The following RBFOX1 variants were observed in gnomAD, a reference collection of about 807,000 sequenced individuals.
RBFOX1 encodes RNA binding fox-1 homolog 1.
Under a neutral mutation model 57.7 loss-of-function variants are expected in RBFOX1, and 8 were observed. That is an observed-to-expected ratio of 0.14 (90% CI 0.08 to 0.25). The LOEUF (loss-of-function observed/expected upper bound fraction) is 0.25, where lower values mean the gene tolerates loss of function less well. RBFOX1 is among the 10% of genes least tolerant of loss of function. RBFOX1 has a pLI of 1.00. For synonymous variants in RBFOX1, 326 were observed against 222.4 expected (o/e 1.47, Z -4.15); for missense variants, 611 against 548.5 (o/e 1.11, Z -1.14).
At chr16:6,761,464 A>G (rs1251639728) in intron 3 of RBFOX1, among the ~76,000 whole-genome samples, 1 of 144,544 alleles carries the variant, frequency 6.9e-6, no homozygotes, top group Non-Finnish European at 1.5e-5. Context: ...TTTTAAACAT[A>G]CACTCCAGGT....
chr16:5,483,234 A>G (rs1003036099), intron 2 of RBFOX1, among the ~76,000 whole-genome samples: 7 of 152,178 alleles, frequency 4.6e-5, no homozygotes, highest in Non-Finnish European at 1.0e-4. Flanking sequence ...TTTCTTCTGC[A>G]GTTCTAGAAG....
intron 4 of RBFOX1, among the ~76,000 whole-genome samples, chr16:7,149,341 T>G (rs2075672205): frequency 6.6e-6 from 1 of 152,066 alleles, no homozygotes; most frequent in Non-Finnish European, 1.5e-5. Flanking sequence ...AGTCTCTTGG[T>G]TTTATCTCTC....
chr16:7,354,192 A>T (rs1228559059), intron 4 of RBFOX1, among the ~76,000 whole-genome samples: 1 of 152,086 alleles, frequency 6.6e-6, no homozygotes, highest in Non-Finnish European at 1.5e-5. Context: ...ACTGGTCTCA[A>T]ACTCCTGACG....
chr16:6,733,673 G>T (rs1225042710), intron 3 of RBFOX1, among the ~76,000 whole-genome samples: 1 of 152,118 alleles, frequency 6.6e-6, no homozygotes, highest in Non-Finnish European at 1.5e-5. Flanking sequence ...TGGGCAGGTC[G>T]CATGAGCCCA....
intron 3 of RBFOX1, among the ~76,000 whole-genome samples, chr16:6,815,555 A>T (rs190077296): frequency 6.6e-6 from 1 of 152,208 alleles, no homozygotes; most frequent in Non-Finnish European, 1.5e-5. Flanking sequence ...GCCAGTCTCT[A>T]TCCATACAGT....
intron 2 of RBFOX1, among the ~76,000 whole-genome samples, chr16:5,582,449 A>G (rs1167096029): frequency 6.6e-6 from 1 of 152,134 alleles, no homozygotes; most frequent in Non-Finnish European, 1.5e-5. Flanking sequence ...GCCCCTGTTA[A>G]CGATGAGGAA....
intron 3 of RBFOX1, among the ~76,000 whole-genome samples, chr16:6,710,032 C>T (rs1406944187): frequency 1.3e-5 from 2 of 152,090 alleles, no homozygotes; most frequent in African/African-American, 4.8e-5. Context: ...ATATGCTGCT[C>T]ACCCTTTGAG....
chr16:5,797,646 T>G (rs1411761823), intron 3 of RBFOX1, among the ~76,000 whole-genome samples: 1 of 152,238 alleles, frequency 6.6e-6, no homozygotes, highest in Admixed American at 6.5e-5. Context: ...AAGAGCCAGC[T>G]TGGCCCATCT....
intron 4 of RBFOX1, among the ~76,000 whole-genome samples, chr16:7,296,645 G>C (rs1603546128): frequency 6.6e-6 from 1 of 152,216 alleles, no homozygotes; most frequent in Non-Finnish European, 1.5e-5. Context: ...ACACCTGCAT[G>C]ATGGGCATAT....
At position 6,009,802 on chromosome 16, in the gene RBFOX1, A is replaced by ATGTGTGTGTGTCTGTGTG. The variant is rs1555469408; in HGVS notation, c.351+142478_351+142479insCTGTGTGTGTGTGTGTGT. On this transcript the variant is annotated intron_variant, in intron 4 of 19. Transcript: ENST00000641259. Reference sequence around the variant, plus strand: ...ATCTGTGACATGGGGCAGTGTGTGTATGTGTGTGTGTGTCTGTGTGTGTGT... The same window carrying ATGTGTGTGTGTCTGTGTG: ...ATCTGTGACATGGGGCAGTGTGTGTATGTGTGTGTGTCTGTGTGTGTGTGTGTGTGTCTGTGTGTGTGT... Among the ~76,000 whole-genome samples the ATGTGTGTGTGTCTGTGTG allele has an allele frequency of 6.5e-3, 383 of 58,580 alleles. 1 individual carries two copies. The highest frequency in any genetic ancestry group is 0.032 in the African/African-American group (358 of 11,362). 38.4% of individuals were successfully genotyped at this position (58,580 alleles called of 152,430 possible).
At chr16:7,323,927 G>A (rs1380337982) in intron 4 of RBFOX1, among the ~76,000 whole-genome samples, 2 of 142,856 alleles carry the variant, frequency 1.4e-5, no homozygotes, top group African/African-American at 5.3e-5. Context: ...TAGACGGATG[G>A]GTGGATGATG....
At chr16:5,972,773 A>C (rs1346969013) in intron 4 of RBFOX1, among the ~76,000 whole-genome samples, 1 of 152,128 alleles carries the variant, frequency 6.6e-6, no homozygotes, top group Non-Finnish European at 1.5e-5. Context: ...CACTCCAGAG[A>C]ATCTCCTATC....
chr16:6,079,758 C>G (rs1473005887), intron 1 of RBFOX1, among the ~76,000 whole-genome samples: 1 of 152,132 alleles, frequency 6.6e-6, no homozygotes, highest in Non-Finnish European at 1.5e-5. Flanking sequence ...ATGGCCTGGG[C>G]TGAGCAGTTG....
At chr16:6,877,006 A>G (rs1400896210) in intron 3 of RBFOX1, among the ~76,000 whole-genome samples, 1 of 152,332 alleles carries the variant, frequency 6.6e-6, no homozygotes, top group South Asian at 2.1e-4. Flanking sequence ...CAACAAATGC[A>G]TACTATATTT....
At chr16:5,962,570 T>C (rs914172488) in intron 4 of RBFOX1, among the ~76,000 whole-genome samples, 5 of 152,222 alleles carry the variant, frequency 3.3e-5, no homozygotes, top group Non-Finnish European at 7.3e-5. Flanking sequence ...TCATGTCTCC[T>C]TTAATATGCA....
rs116406000 is a variant in RBFOX1 at position 5,401,356 on chromosome 16, C to T, written c.220-65860C>T. 3.3e-3 allele frequency among the ~76,000 whole-genome samples: 497 copies of T among 152,206 alleles called. 3 individuals are homozygous for T. Among genetic ancestry groups the T allele is most frequent in the African/African-American group, 0.011 (466 of 41,520 alleles). On this transcript the variant is annotated intron_variant, in intron 1 of 2. Coordinates refer to the RBFOX1 transcript ENST00000585867. ...TCTTGGTTTGTGATGCCTCCTTTAG[C>T]GTATGATCAATGTTCCTGTTTATGC...
intron 4 of RBFOX1, among the ~76,000 whole-genome samples, chr16:7,181,219 A>T (rs370157132): frequency 6.6e-6 from 1 of 151,922 alleles, no homozygotes; most frequent in African/African-American, 2.4e-5. Flanking sequence ...CTAGATGTTA[A>T]ATAGGGAAAC....
intron 4 of RBFOX1, among the ~76,000 whole-genome samples, chr16:7,265,958 G>GTTTTTT (rs201372502): frequency 3.7e-5 from 4 of 107,602 alleles, no homozygotes; most frequent in Admixed American, 9.6e-5. Context: ...GATCTGGTGG[G>GTTTTTT]TTTTTGTTTT....
At chr16:5,921,865 A>C (rs923600810) in intron 4 of RBFOX1, among the ~76,000 whole-genome samples, 6 of 152,006 alleles carry the variant, frequency 3.9e-5, no homozygotes, top group Admixed American at 2.6e-4. Flanking sequence ...TTTAACAACC[A>C]GATAGGCCAG....
Sources: allele counts gnomAD v4.1 joint callset (sites outside exome capture counted in the v4.1 genomes callset), GRCh38; gene constraint gnomAD v4.1.1; transcripts MANE v1.5; gene names NCBI Gene and HGNC (gene_info 2026-07-23, HGNC 2026-07-21).